Variants in SCAPER observed in about 807,000 individuals in gnomAD.
The protein encoded by SCAPER is S-phase cyclin A associated protein in the ER, also known as S phase cyclin A-associated protein in the endoplasmic reticulum.
SCAPER carries 98 observed loss-of-function variants against 182.2 expected under a neutral mutation model. The ratio of observed to expected loss-of-function variants is 0.54; its 90% CI spans 0.46 to 0.64. The LOEUF is 0.64. Among genes scored for constraint, SCAPER ranks in the 30% least tolerant of loss-of-function variants. The pLI is 0.00. For missense variants in SCAPER, 1,432 were observed against 1,690.0 expected (o/e 0.85, Z 2.68); for synonymous variants, 605 against 564.6 (o/e 1.07, Z -1.01).
intron 23 of SCAPER, among the ~76,000 whole-genome samples, chr15:76,507,601 G>C (rs951164539): frequency 6.6e-6 from 1 of 152,040 alleles, no homozygotes; most frequent in African/African-American, 2.4e-5. Flanking sequence ...GGTGTTCTGA[G>C]CATTAATGAC....
At chr15:76,443,889 C>G (rs934975834) in intron 25 of SCAPER, among the ~76,000 whole-genome samples, 1 of 152,178 alleles carries the variant, frequency 6.6e-6, no homozygotes, top group African/African-American at 2.4e-5. Context: ...GCAATGGCTA[C>G]CAAGAGGTGG....
At chr15:76,669,795 C>G (rs1346404989) in intron 20 of SCAPER, among the ~76,000 whole-genome samples, 1 of 152,178 alleles carries the variant, frequency 6.6e-6, no homozygotes, top group Admixed American at 6.5e-5. Context: ...CTCATGCAGG[C>G]TAGTCTCCGA....
intron 8 of SCAPER, among the ~76,000 whole-genome samples, chr15:76,791,492 A>C (rs540507621): frequency 2.0e-5 from 3 of 152,268 alleles, no homozygotes; most frequent in South Asian, 4.1e-4. Flanking sequence ...GTCCTGGCAG[A>C]AACCAGCATT....
At chr15:76,889,833 T>C (rs2152591859) in intron 1 of SCAPER, among the ~76,000 whole-genome samples, 1 of 152,300 alleles carries the variant, frequency 6.6e-6, no homozygotes, top group East Asian at 1.9e-4. Context: ...AATAGACATC[T>C]ACAGAACTCT....
At chr15:76,420,684 A>G (rs1003863246) in intron 26 of SCAPER, among the ~76,000 whole-genome samples, 4 of 152,190 alleles carry the variant, frequency 2.6e-5, no homozygotes, top group Non-Finnish European at 4.4e-5. Context: ...GGTTTGTTAC[A>G]TATGTATACA....
chr15:76,769,405 T>G (rs1280281391), intron 10 of SCAPER, among the ~76,000 whole-genome samples: 1 of 133,008 alleles, frequency 7.5e-6, no homozygotes, highest in African/African-American at 2.9e-5. Flanking sequence ...ACTGCACTAC[T>G]GCACTCTGGC....
chr15:76,889,379 C>A (rs544706503), intron 1 of SCAPER, among the ~76,000 whole-genome samples: 1 of 152,120 alleles, frequency 6.6e-6, no homozygotes, highest in Non-Finnish European at 1.5e-5. Flanking sequence ...CACAGACTGG[C>A]AAATTGGACA....
intron 20 of SCAPER, among the ~76,000 whole-genome samples, chr15:76,692,929 G>C (rs147414186): frequency 1.6e-4 from 24 of 151,938 alleles, no homozygotes; most frequent in African/African-American, 5.5e-4. Flanking sequence ...AAAATGAAAT[G>C]ATCAAGAAAA....
chr15:76,675,285 C>T (rs184919301), intron 20 of SCAPER, among the ~76,000 whole-genome samples: 72 of 152,256 alleles, frequency 4.7e-4, no homozygotes, highest in African/African-American at 1.6e-3. Flanking sequence ...ATCTCTCAAG[C>T]ATCTAAGACC....
chr15:76,666,229 A>C (rs2056565970), intron 20 of SCAPER, among the ~76,000 whole-genome samples: 1 of 152,200 alleles, frequency 6.6e-6, no homozygotes, highest in East Asian at 1.9e-4. Flanking sequence ...CCCTTGAAGA[A>C]AGGATAAAAT....
intron 2 of SCAPER, among the ~76,000 whole-genome samples, chr15:76,864,235 C>T (rs372787604): frequency 6.0e-4 from 92 of 152,292 alleles, no homozygotes; most frequent in Middle Eastern, 3.4e-3. Flanking sequence ...TTTAGCCTTT[C>T]GCTTTGCTTG....
chr15:76,810,804 A>G (rs2066544217), intron 5 of SCAPER, among the ~76,000 whole-genome samples: 1 of 152,110 alleles, frequency 6.6e-6, no homozygotes, highest in South Asian at 2.1e-4. Flanking sequence ...CCCCCTTAAG[A>G]TTCAAGAACA....
chr15:76,520,884 T>C (rs989663809), intron 23 of SCAPER, among the ~76,000 whole-genome samples: 2 of 152,166 alleles, frequency 1.3e-5, no homozygotes, highest in South Asian at 2.1e-4. Flanking sequence ...AAAAACAAAA[T>C]TGTTTAATTG....
In SCAPER at chr15:76,470,992, A is replaced by G. The variant is rs894382874; in HGVS notation, c.3078+220T>C. 34 of 339,808 alleles carry G rather than the reference A, an allele frequency of 1.0e-4. 1 individual carries two copies. In the South Asian group the frequency reaches 1.2e-3, roughly 12 times the overall value. 21.0% of individuals were successfully genotyped at this position (339,808 alleles called of 1,614,324 possible). On this transcript the variant is annotated intron_variant, in intron 25 of 31. Coordinates refer to ENST00000563290, the MANE Select transcript of SCAPER (RefSeq NM_020843.4). ...AGTGTTATAAGTCTATTATCCATTA[A>G]ATATTGGAACTTAAAAGAATCCAAT...
chr15:76,666,698 C>G (rs182965987), intron 20 of SCAPER, among the ~76,000 whole-genome samples: 12 of 152,316 alleles, frequency 7.9e-5, no homozygotes, highest in Admixed American at 2.6e-4. Context: ...ATTTTAGACT[C>G]TCTCCTTAAA....
At chr15:76,847,296 A>T (rs971384115) in intron 4 of SCAPER, among the ~76,000 whole-genome samples, 4 of 152,188 alleles carry the variant, frequency 2.6e-5, no homozygotes, top group Non-Finnish European at 5.9e-5. Context: ...TACCTATGTA[A>T]CAAACCTGCA....
chr15:76,471,092 CTTCTTCTT>C (rs1444907161), intron 25 of SCAPER, 112 bp downstream of exon 25: 31 of 797,880 alleles, frequency 3.9e-5, no homozygotes, highest in Non-Finnish European at 5.0e-5. Context: ...TCTTCTTCTT[CTTCTTCTT>C]TTTTTTTTTT....
intron 5 of SCAPER, among the ~76,000 whole-genome samples, chr15:76,832,137 C>T (rs2068543426): frequency 6.6e-6 from 1 of 152,176 alleles, no homozygotes; most frequent in Non-Finnish European, 1.5e-5. Flanking sequence ...CTTAACCAGA[C>T]TGAGATGGCT....
intron 25 of SCAPER, among the ~76,000 whole-genome samples, chr15:76,439,009 C>T (rs769743948): frequency 1.3e-5 from 2 of 151,954 alleles, no homozygotes; most frequent in Non-Finnish European, 2.9e-5. Flanking sequence ...AATAGAAAAC[C>T]AATGCTTCAT....
Sources: gnomAD v4.1 joint callset for allele counts (sites outside exome capture counted in the v4.1 genomes callset) on GRCh38, gnomAD v4.1.1 for gene constraint, MANE v1.5 for transcripts, NCBI Gene and HGNC (gene_info 2026-07-23, HGNC 2026-07-21) for gene names.